The following TBC1D19 variants were observed in gnomAD, a reference collection of about 807,000 sequenced individuals.
TBC1D19 encodes TBC1 domain family member 19.
Under a neutral mutation model 89.0 loss-of-function variants are expected in TBC1D19, and 60 were observed. The ratio of observed to expected loss-of-function variants is 0.67; its 90% CI spans 0.55 to 0.84. The LOEUF is 0.84. TBC1D19 is among the 40% of genes least tolerant of loss of function. The pLI is 0.00. For synonymous variants in TBC1D19, 189 were observed against 199.7 expected, an observed-to-expected ratio of 0.95 and a Z score of 0.45; for missense variants, 500 against 610.8, an observed-to-expected ratio of 0.82 and a Z score of 1.91.
At chr4:26,697,437 G>T (rs1714901157) in intron 13 of TBC1D19, among the ~76,000 whole-genome samples, 6 of 152,120 alleles carry the variant, frequency 3.9e-5, no homozygotes, top group Admixed American at 3.9e-4. Context: ...AGAGGTACAA[G>T]GAGGAGCTGG....
the TBC1D19 span, among the ~76,000 whole-genome samples, chr4:26,812,822 CTA>C: frequency 4.4e-5 from 5 of 113,712 alleles, no homozygotes; most frequent in African/African-American, 2.2e-4. The surrounding 1 kb of genome is among the most constrained non-coding windows in gnomAD (Gnocchi z 4.2). Context: ...ATGTGTGTGT[CTA>C]TATATGTATA....
At chr4:26,637,538 A>AT (rs1319106354) in intron 5 of TBC1D19, among the ~76,000 whole-genome samples, 2 of 151,998 alleles carry the variant, frequency 1.3e-5, no homozygotes, top group East Asian at 1.9e-4. Flanking sequence ...GGTCTGGCTA[A>AT]TTTTTTTGTA....
chr4:26,641,851 A>C (rs527907265), intron 7 of TBC1D19, among the ~76,000 whole-genome samples: 3 of 152,346 alleles, frequency 2.0e-5, no homozygotes, highest in African/African-American at 7.2e-5. Flanking sequence ...CAAATGAATG[A>C]AATGAAGTGA....
intron 1 of TBC1D19, among the ~76,000 whole-genome samples, chr4:26,587,948 C>T (rs1358955531): frequency 6.6e-6 from 1 of 151,560 alleles, no homozygotes; most frequent in African/African-American, 2.4e-5. Context: ...TTATATGATC[C>T]CCTTATATTC....
At chr4:26,805,436 G>A in the TBC1D19 span, among the ~76,000 whole-genome samples, 2 of 152,158 alleles carry the variant, frequency 1.3e-5, no homozygotes, top group African/African-American at 4.8e-5. Flanking sequence ...CAGCTTCAAG[G>A]ACCACTGGGT....
the TBC1D19 span, among the ~76,000 whole-genome samples, chr4:26,811,937 C>A: frequency 6.6e-6 from 1 of 152,160 alleles, no homozygotes; most frequent in Non-Finnish European, 1.5e-5. Flanking sequence ...TTGTGCCAAC[C>A]TCCTAACTCA....
the TBC1D19 span, among the ~76,000 whole-genome samples, chr4:26,824,304 T>G: frequency 6.6e-6 from 1 of 152,242 alleles, no homozygotes; most frequent in African/African-American, 2.4e-5. Context: ...AAGCAGTAAC[T>G]TCGTTCTTAT....
chr4:26,658,237 T>C (rs1744993761), intron 7 of TBC1D19, among the ~76,000 whole-genome samples: 1 of 152,240 alleles, frequency 6.6e-6, no homozygotes. Context: ...GTTTAAGTCT[T>C]TAATGCATAT....
downstream of TBC1D19, among the ~76,000 whole-genome samples, chr4:26,760,172 A>G (rs561421282): frequency 4.6e-5 from 7 of 152,300 alleles, no homozygotes; most frequent in African/African-American, 1.7e-4. Flanking sequence ...TATTTTCCTA[A>G]TGATATTGAG....
the TBC1D19 span, among the ~76,000 whole-genome samples, chr4:26,838,518 A>C: frequency 6.6e-6 from 1 of 152,232 alleles, no homozygotes; most frequent in Non-Finnish European, 1.5e-5. Context: ...GTGTTCTTAC[A>C]TACTTGACAT....
At chr4:26,578,953 T>C (rs1426891477) in intron 1 of TBC1D19, among the ~76,000 whole-genome samples, 1 of 152,242 alleles carries the variant, frequency 6.6e-6, no homozygotes, top group East Asian at 1.9e-4. Flanking sequence ...TTGTCTTTTT[T>C]ACAATGACAT....
At chr4:26,792,226 T>C in the TBC1D19 span, among the ~76,000 whole-genome samples, 1 of 152,058 alleles carries the variant, frequency 6.6e-6, no homozygotes, top group Non-Finnish European at 1.5e-5. Flanking sequence ...CATTGTTGTA[T>C]AATATTCCAG....
chr4:26,679,855 T>G (rs191649423), intron 11 of TBC1D19, among the ~76,000 whole-genome samples: 2 of 152,330 alleles, frequency 1.3e-5, no homozygotes, highest in East Asian at 3.9e-4. Context: ...GTGTTTTTAA[T>G]TGTGAGGACA....
rs150632204 is a variant in TBC1D19, at chr4:26,723,057, G to A, written c.1084+2932G>A. ...AAAAGGTAGAGGATGTATGTGATAG[G>A]TTCTAGAAAGATTTTCATCCAGAAT... On this transcript the variant is annotated intron_variant, in intron 15 of 20. Coordinates refer to ENST00000264866, the MANE Select transcript of TBC1D19 (RefSeq NM_018317.4). Among the ~76,000 whole-genome samples, 459 of 152,264 alleles carry A rather than the reference G, an allele frequency of 3.0e-3. 3 individuals are homozygous for A. Among genetic ancestry groups the A allele is most frequent in the Non-Finnish European group, 4.2e-3 (283 of 68,010 alleles).
chr4:26,618,503 A>C (rs1427943201), intron 3 of TBC1D19, among the ~76,000 whole-genome samples: 2 of 152,216 alleles, frequency 1.3e-5, no homozygotes, highest in African/African-American at 2.4e-5. Context: ...TGAAGGGATC[A>C]TGGCTAAGGA....
intron 15 of TBC1D19, among the ~76,000 whole-genome samples, chr4:26,720,382 G>T (rs1431855828): frequency 6.6e-6 from 1 of 152,100 alleles, no homozygotes; most frequent in Non-Finnish European, 1.5e-5. Flanking sequence ...TAAGTCCAAG[G>T]CACTTCATTT....
the TBC1D19 span, among the ~76,000 whole-genome samples, chr4:26,810,057 G>C: frequency 6.6e-6 from 1 of 152,136 alleles, no homozygotes; most frequent in African/African-American, 2.4e-5. Context: ...CCTCACACAG[G>C]GCAGGCCACA....
intron 15 of TBC1D19, among the ~76,000 whole-genome samples, chr4:26,729,310 G>A (rs936568872): frequency 6.6e-6 from 1 of 152,152 alleles, no homozygotes; most frequent in African/African-American, 2.4e-5. Flanking sequence ...CTGTACCTAT[G>A]ATTTACTCAT....
intron 15 of TBC1D19, among the ~76,000 whole-genome samples, chr4:26,723,809 A>C (rs1717131447): frequency 6.6e-6 from 1 of 152,220 alleles, no homozygotes; most frequent in African/African-American, 2.4e-5. Context: ...TAAATGATAC[A>C]AACAAAGTAC....
Sources: gnomAD v4.1 joint callset for allele counts (sites outside exome capture counted in the v4.1 genomes callset) on GRCh38, gnomAD v4.1.1 for gene constraint, Gnocchi (gnomAD v3.1) non-coding constraint, MANE v1.5 for transcripts, NCBI Gene and HGNC (gene_info 2026-07-23, HGNC 2026-07-21) for gene names.